Variants in CFAP206 observed in about 807,000 individuals in gnomAD.
CFAP206 encodes cilia and flagella associated protein 206.
CFAP206 carries 53 observed loss-of-function variants against 65.4 expected under a neutral mutation model. The ratio of observed to expected loss-of-function variants is 0.81; its 90% confidence interval spans 0.65 to 1.02. The LOEUF (loss-of-function observed/expected upper bound fraction) is 1.02. Ranked by LOEUF, CFAP206 falls within the 50% of genes least tolerant of loss-of-function variation. The probability of loss-of-function intolerance (pLI) is 0.00; values close to 1 mark genes in which losing one functional copy is unlikely to be tolerated. For synonymous variants in CFAP206, 250 were observed against 254.4 expected (o/e 0.98, Z 0.17); for missense variants, 663 against 753.2 (o/e 0.88, Z 1.40).
Position 87,464,109 on chromosome 6 carries a change from G to T in CFAP206, c.1728G>T (p.Lys576Asn). ...RENCSQVYPP[K>N]DTSTQSMRED... ...ATTGTTCCCAAGTGTACCCTCCAAAGGACACTAGCACCCAGTCCATGAGGG... is the reference window on the plus strand; with the variant it reads ...ATTGTTCCCAAGTGTACCCTCCAAATGACACTAGCACCCAGTCCATGAGGG... Residue 576 changes from lysine (K) to asparagine (N), a missense_variant, in exon 13 of 13, where the codon AAG becomes AAT. Coordinates refer to ENST00000369562, the MANE Select transcript of CFAP206 (RefSeq NM_001031743.3). The T allele has an allele frequency of 6.2e-7, 1 of 1,614,146 alleles. No homozygotes were observed.
Position 87,416,706 on chromosome 6 carries a change from G to A in CFAP206, c.510G>A (p.Gly170=), listed in dbSNP as rs1767837433. The change falls in exon 6 of 13, where the codon GGG becomes GGA. Residue 170 remains glycine (G), a synonymous_variant. Transcript: ENST00000369562. ...LQSVFPQAEL[G]TFLTLSKKDK... is the part of the protein sequence containing the mutation. ...GTGTTTTTCCTCAGGCAGAGCTTGGGACATTTCTAACTCTTTCTAAGAAGG... is the reference window on the plus strand; with the variant it reads ...GTGTTTTTCCTCAGGCAGAGCTTGGAACATTTCTAACTCTTTCTAAGAAGG... 2 of 1,612,924 alleles carry A rather than the reference G, an allele frequency of 1.2e-6. No homozygotes were observed. Among genetic ancestry groups the A allele is most frequent in the Non-Finnish European group, 1.7e-6 (2 of 1,179,606 alleles).
intron 11 of CFAP206, among the ~76,000 whole-genome samples, chr6:87,443,260 T>C (rs1363780785): frequency 2.6e-5 from 4 of 152,146 alleles, no homozygotes; most frequent in African/African-American, 4.8e-5. Context: ...GATTTCACAA[T>C]ATCCTTTTAC....
intron 3 of CFAP206, among the ~76,000 whole-genome samples, chr6:87,410,946 A>G (rs1582130487): frequency 6.6e-6 from 1 of 152,216 alleles, no homozygotes; most frequent in South Asian, 2.1e-4. Context: ...AGGGCAAAAT[A>G]TGTGTGCCAA....
At chr6:87,429,782 T>C (rs1768126660) in intron 9 of CFAP206, among the ~76,000 whole-genome samples, 1 of 152,224 alleles carries the variant, frequency 6.6e-6, no homozygotes, top group South Asian at 2.1e-4. Flanking sequence ...TTTCAAATTC[T>C]ATTTTTTAAA....
intron 11 of CFAP206, among the ~76,000 whole-genome samples, chr6:87,448,967 G>A (rs773991405): frequency 3.9e-5 from 6 of 152,044 alleles, no homozygotes; most frequent in Non-Finnish European, 8.8e-5. Context: ...GATAAACATA[G>A]GAGTGCAGAT....
chr6:87,431,552 G>T (rs1341923632), intron 10 of CFAP206, among the ~76,000 whole-genome samples: 1 of 152,164 alleles, frequency 6.6e-6, no homozygotes, highest in Non-Finnish European at 1.5e-5. Flanking sequence ...GATCACTTGA[G>T]GTCAGGAGTT....
intron 8 of CFAP206, among the ~76,000 whole-genome samples, chr6:87,428,050 T>C (rs531666650): frequency 6.9e-6 from 1 of 144,452 alleles, no homozygotes; most frequent in African/African-American, 2.6e-5. Flanking sequence ...TGCAATGGCC[T>C]GATCTCAACT....
At chr6:87,411,396 AGTT>A (rs1442927803) in intron 3 of CFAP206, among the ~76,000 whole-genome samples, 1 of 151,824 alleles carries the variant, frequency 6.6e-6, no homozygotes, top group Non-Finnish European at 1.5e-5. Context: ...GTTGTTGTCG[AGTT>A]GTTTGAGTTC....
intron 7 of CFAP206, among the ~76,000 whole-genome samples, chr6:87,419,317 G>C (rs1767898779): frequency 6.6e-6 from 1 of 152,100 alleles, no homozygotes; most frequent in South Asian, 2.1e-4. Flanking sequence ...AAGCCAAACA[G>C]TATCCCTAGA....
chr6:87,415,852 C>T lies in CFAP206; in HGVS notation c.450C>T (p.Ile150=), dbSNP rs1767820902. The T allele has an allele frequency of 3.1e-6, 5 of 1,588,174 alleles. No homozygotes were observed. In the African/African-American group the frequency reaches 4.1e-5, roughly 13 times the overall value. ...LRSGLGSPTD[I]KTVREVTAAL... ...CTGGCCTTGGATCCCCTACAGACAT[C>T]AAGACTGTCAGAGAGGTAACAGGTA... is the stretch of plus-strand genomic sequence containing the variant. Residue 150 remains isoleucine, a synonymous_variant, in exon 5 of 13, where the codon ATC becomes ATT. Transcript: ENST00000369562.
At chr6:87,450,071 G>A (rs1437322345) in intron 11 of CFAP206, among the ~76,000 whole-genome samples, 1 of 152,088 alleles carries the variant, frequency 6.6e-6, no homozygotes, top group African/African-American at 2.4e-5. Context: ...ATTTATTGAG[G>A]AGACTGTCCT....
chr6:87,422,923 A>G (rs1767969885), intron 7 of CFAP206, among the ~76,000 whole-genome samples: 2 of 151,884 alleles, frequency 1.3e-5, no homozygotes, highest in Middle Eastern at 3.4e-3. Context: ...AGGGGTCTAG[A>G]GTATTTTTTT....
intron 12 of CFAP206, among the ~76,000 whole-genome samples, chr6:87,461,477 G>GT (rs1197443028): frequency 6.6e-6 from 1 of 151,192 alleles, no homozygotes; most frequent in Non-Finnish European, 1.5e-5. Context: ...TTTTTTGTTT[G>GT]TTTTTTGGAC....
At chr6:87,460,743 T>C (rs1240150762) in intron 11 of CFAP206, among the ~76,000 whole-genome samples, 1 of 152,000 alleles carries the variant, frequency 6.6e-6, no homozygotes, top group Non-Finnish European at 1.5e-5. Context: ...AATATACCCT[T>C]GTAACAAACC....
chr6:87,464,189 G>GA lies in CFAP206; in HGVS notation c.1811dup (p.Ser605GlufsTer6). On this transcript the variant is annotated frameshift_variant, in exon 13 of 13. Transcript: ENST00000369562. LOFTEE classifies it high-confidence loss of function. ...ATTTACTTGGCTGGTCTTCGTGGAGGAAAGAGCGAAATCACCGATGAGGTC... is the reference window on the plus strand; with the variant it reads ...ATTTACTTGGCTGGTCTTCGTGGAGGAAAAGAGCGAAATCACCGATGAGGTC... 1 of 1,614,174 alleles carries GA rather than the reference G, an allele frequency of 6.2e-7. No homozygotes were observed. The highest frequency in any genetic ancestry group is 8.5e-7 in the Non-Finnish European group (1 of 1,180,026).
chr6:87,412,334 C>G (rs2088063783), intron 3 of CFAP206, among the ~76,000 whole-genome samples: 1 of 152,118 alleles, frequency 6.6e-6, no homozygotes, highest in East Asian at 1.9e-4. Context: ...CTCCCTCCTC[C>G]CAGGAAAGCA....
intron 7 of CFAP206, among the ~76,000 whole-genome samples, chr6:87,421,189 TA>T (rs1288534067): frequency 6.6e-6 from 1 of 152,178 alleles, no homozygotes; most frequent in Non-Finnish European, 1.5e-5. Flanking sequence ...GTGAACATTT[TA>T]AAAATCCAAT....
At chr6:87,427,630 A>G (rs1343457187) in intron 8 of CFAP206, among the ~76,000 whole-genome samples, 2 of 152,218 alleles carry the variant, frequency 1.3e-5, no homozygotes. Context: ...ACTGGCCTCA[A>G]ATATTTAACT....
chr6:87,430,507 T>C (rs1242415308), intron 9 of CFAP206, among the ~76,000 whole-genome samples: 3 of 152,190 alleles, frequency 2.0e-5, no homozygotes, highest in Non-Finnish European at 4.4e-5. Context: ...CTCAGAACCT[T>C]CTCTGTTGTT....
Sources: allele counts gnomAD v4.1 joint callset (sites outside exome capture counted in the v4.1 genomes callset), GRCh38; gene constraint gnomAD v4.1.1; transcripts MANE v1.5; gene names NCBI Gene and HGNC (gene_info 2026-07-23, HGNC 2026-07-21).